The following FBXL7 variants were observed in gnomAD, a reference collection of about 807,000 sequenced individuals.
FBXL7 encodes the protein F-box and leucine rich repeat protein 7.
Under a neutral mutation model 38.3 loss-of-function variants are expected in FBXL7, and 12 were observed. The observed-to-expected ratio is 0.31, with a 90% CI of 0.20 to 0.51. The LOEUF is 0.51. Among genes scored for constraint, FBXL7 ranks in the 20% least tolerant of loss-of-function variants. FBXL7 has a pLI of 0.98. For synonymous variants in FBXL7, 297 were observed against 300.9 expected, an observed-to-expected ratio of 0.99 and a Z score of 0.13; for missense variants, 567 against 676.4, an observed-to-expected ratio of 0.84 and a Z score of 1.79.
chr5:15,519,251 G>A lies in FBXL7; in HGVS notation c.37+18538G>A, dbSNP rs1037050989. Among the ~76,000 whole-genome samples, 7 of 152,098 alleles carry A rather than the reference G, an allele frequency of 4.6e-5. 1 individual carries two copies. The highest frequency in any genetic ancestry group is 1.3e-4 in the Admixed American group (2 of 15,280). On this transcript the variant is annotated intron_variant, in intron 1 of 3. Coordinates refer to ENST00000504595, the MANE Select transcript of FBXL7 (RefSeq NM_012304.5). ...CCCAGCTACCTAGAGGCTGAGGCCG[G>A]AGAATCCCTGGAACCTGGGAGGTGG... is the stretch of plus-strand genomic sequence containing the variant.
chr5:15,817,410 G>T (rs1738047543), intron 2 of FBXL7, among the ~76,000 whole-genome samples: 1 of 152,088 alleles, frequency 6.6e-6, no homozygotes, highest in African/African-American at 2.4e-5. Context: ...AGAGTTTAGT[G>T]TTAGGATATA....
intron 1 of FBXL7, among the ~76,000 whole-genome samples, chr5:15,552,139 A>G (rs769383702): frequency 6.6e-5 from 10 of 152,222 alleles, no homozygotes; most frequent in Non-Finnish European, 1.2e-4. Flanking sequence ...AGGCTATACT[A>G]CACTATGCTA....
intron 1 of FBXL7, among the ~76,000 whole-genome samples, chr5:15,572,389 A>T (rs78320622): frequency 4.1e-5 from 2 of 48,758 alleles, no homozygotes; most frequent in Admixed American, 2.8e-4. Flanking sequence ...GTTTCTGCTA[A>T]AAAAAAAAAA....
At chr5:15,802,043 T>C (rs1737583699) in intron 2 of FBXL7, among the ~76,000 whole-genome samples, 1 of 152,110 alleles carries the variant, frequency 6.6e-6, no homozygotes, top group South Asian at 2.1e-4. Context: ...GCCCTACACT[T>C]CTGGTTAGGC....
At chr5:15,675,096 A>G (rs1470286157) in intron 2 of FBXL7, among the ~76,000 whole-genome samples, 2 of 152,214 alleles carry the variant, frequency 1.3e-5, no homozygotes, top group Non-Finnish European at 2.9e-5. Context: ...TCAGATGAAT[A>G]ATGTATCAGT....
intron 2 of FBXL7, 138 bp downstream of exon 2, chr5:15,616,210 G>T (rs533348539): frequency 1.8e-6 from 1 of 550,396 alleles, no homozygotes. Flanking sequence ...GATGTTCAGG[G>T]TCTCCTAAGT....
At chr5:15,679,258 T>C (rs1393354149) in intron 2 of FBXL7, among the ~76,000 whole-genome samples, 1 of 152,212 alleles carries the variant, frequency 6.6e-6, no homozygotes, top group Non-Finnish European at 1.5e-5. Context: ...TCAACAATCC[T>C]CCCTGAAAGA....
chr5:15,516,636 G>A (rs77793432), intron 1 of FBXL7, among the ~76,000 whole-genome samples: 1,772 of 152,110 alleles, frequency 0.012, 20 homozygotes, highest in Non-Finnish European at 0.015. Flanking sequence ...TGTCGTGGGA[G>A]GGACTTCGTG....
At chr5:15,553,070 G>C (rs946076346) in intron 1 of FBXL7, among the ~76,000 whole-genome samples, 1 of 142,298 alleles carries the variant, frequency 7.0e-6, no homozygotes, top group Non-Finnish European at 1.5e-5. Context: ...GACAGAGTAA[G>C]ACTCCATGTC....
At chr5:15,525,588 G>A (rs1042738122) in intron 1 of FBXL7, among the ~76,000 whole-genome samples, 11 of 151,886 alleles carry the variant, frequency 7.2e-5, no homozygotes, top group South Asian at 6.2e-4. Flanking sequence ...TCCTCCACAC[G>A]TCTGCATTGC....
intron 2 of FBXL7, among the ~76,000 whole-genome samples, chr5:15,722,717 G>C (rs1579407943): frequency 6.6e-6 from 1 of 152,200 alleles, no homozygotes; most frequent in Non-Finnish European, 1.5e-5. Flanking sequence ...GAGGTCAGGA[G>C]TTCGAGACCA....
intron 1 of FBXL7, among the ~76,000 whole-genome samples, chr5:15,576,069 ATTCTTTT>A (rs1263383860): frequency 2.8e-5 from 3 of 107,210 alleles, no homozygotes; most frequent in Non-Finnish European, 5.6e-5. Context: ...AGAGAATCTC[ATTCTTTT>A]TTTTTTTTTT....
intron 2 of FBXL7, among the ~76,000 whole-genome samples, chr5:15,891,714 T>C (rs1474160586): frequency 6.6e-6 from 1 of 152,132 alleles, no homozygotes; most frequent in Non-Finnish European, 1.5e-5. Context: ...CTGAGCCCAG[T>C]TTAGATCCCA....
chr5:15,881,973 T>C (rs1740472188), intron 2 of FBXL7, among the ~76,000 whole-genome samples: 1 of 152,104 alleles, frequency 6.6e-6, no homozygotes, highest in Non-Finnish European at 1.5e-5. Flanking sequence ...CTTACAATCA[T>C]GATGGAAGGC....
At chr5:15,594,869 A>G (rs1228472111) in intron 1 of FBXL7, among the ~76,000 whole-genome samples, 1 of 152,230 alleles carries the variant, frequency 6.6e-6, no homozygotes, top group African/African-American at 2.4e-5. Context: ...CTGTGTGTCC[A>G]TTCCCATTGC....
chr5:15,695,767 C>T (rs1046451017), intron 2 of FBXL7, among the ~76,000 whole-genome samples: 1 of 152,148 alleles, frequency 6.6e-6, no homozygotes, highest in Non-Finnish European at 1.5e-5. Flanking sequence ...TCATACAACA[C>T]ATGAAAGTTA....
intron 2 of FBXL7, among the ~76,000 whole-genome samples, chr5:15,769,491 A>G (rs1280765469): frequency 6.6e-6 from 1 of 152,242 alleles, no homozygotes; most frequent in Admixed American, 6.5e-5. Flanking sequence ...TTTAGTCCCC[A>G]TGCAAATGAC....
Position 15,569,601 on chromosome 5 carries a change from G to T in FBXL7, c.38-46382G>T, listed in dbSNP as rs534898827. Among the ~76,000 whole-genome samples, 285 of 151,190 alleles carry T rather than the reference G, an allele frequency of 1.9e-3. 2 individuals carry two copies. The highest frequency in any genetic ancestry group is 6.7e-3 in the African/African-American group (275 of 41,172). On this transcript the variant is annotated intron_variant, in intron 1 of 3. Transcript: ENST00000504595. The stretch of plus-strand genomic sequence containing the variant: ...CTTTATTTCCTTCTCCTGCCTAATT[G>T]CCCTGGCCAGAACTTCCAACACTAT...
chr5:15,526,965 A>G (rs146326947), intron 1 of FBXL7, among the ~76,000 whole-genome samples: 4 of 152,270 alleles, frequency 2.6e-5, no homozygotes, highest in South Asian at 2.1e-4. Flanking sequence ...GTTTATTTCA[A>G]AATGAATCTC....
Sources: gnomAD v4.1 joint callset for allele counts (sites outside exome capture counted in the v4.1 genomes callset) on GRCh38, gnomAD v4.1.1 for gene constraint, MANE v1.5 for transcripts, NCBI Gene and HGNC (gene_info 2026-07-23, HGNC 2026-07-21) for gene names.